Variants in EPN2 observed in about 807,000 individuals in gnomAD.
EPN2 encodes the protein epsin 2, also known as epsin-2.
In EPN2, 34 loss-of-function variants were observed where a neutral mutation model predicts 61.7. The ratio of observed to expected loss-of-function variants is 0.55; its 90% confidence interval spans 0.42 to 0.73. The LOEUF (loss-of-function observed/expected upper bound fraction) is 0.73. Among genes scored for constraint, EPN2 ranks in the 30% least tolerant of loss-of-function variants. The pLI, the probability that EPN2 is intolerant of heterozygous loss-of-function variation, is 0.00. For synonymous variants in EPN2, 349 were observed against 353.6 expected, an observed-to-expected ratio of 0.99 and a Z score of 0.15; for missense variants, 714 against 839.2, an observed-to-expected ratio of 0.85 and a Z score of 1.84.
intron 1 of EPN2, among the ~76,000 whole-genome samples, chr17:19,237,858 A>G (rs1377205716): frequency 6.6e-6 from 1 of 151,154 alleles, no homozygotes; most frequent in Non-Finnish European, 1.5e-5. Flanking sequence ...CCTTACTCCT[A>G]CCTCGGATCC....
At chr17:19,326,686 CAA>C (rs36161060) in intron 7 of EPN2, among the ~76,000 whole-genome samples, 14 of 76,848 alleles carry the variant, frequency 1.8e-4, no homozygotes, top group Admixed American at 5.3e-4. Flanking sequence ...GACTCCGTCT[CAA>C]AAAAAAAAAA....
intron 7 of EPN2, among the ~76,000 whole-genome samples, chr17:19,320,396 G>A (rs957447901): frequency 3.3e-5 from 5 of 152,178 alleles, no homozygotes; most frequent in Admixed American, 6.5e-5. Flanking sequence ...TCTCCACCAC[G>A]CATCTGCCCA....
intron 1 of EPN2, among the ~76,000 whole-genome samples, chr17:19,251,863 T>C (rs1420188695): frequency 6.6e-6 from 1 of 152,164 alleles, no homozygotes; most frequent in African/African-American, 2.4e-5. Context: ...AGTGTTTGCA[T>C]ATGCATAATG....
chr17:19,329,783 T>C (rs2296979), intron 9 of EPN2, 136 bp downstream of exon 9: 585,710 of 611,194 alleles, frequency 0.96, 281,979 homozygotes, highest in African/African-American at 0.99. Flanking sequence ...GAGCCTGAAG[T>C]TTCTAATTCT....
chr17:19,320,941 C>T (rs971535954), intron 7 of EPN2, among the ~76,000 whole-genome samples: 1 of 152,166 alleles, frequency 6.6e-6, no homozygotes. Context: ...ATGGAGCACA[C>T]CCTCTGTGTG....
At chr17:19,333,050 A>G (rs912954353) in intron 10 of EPN2, among the ~76,000 whole-genome samples, 3 of 152,196 alleles carry the variant, frequency 2.0e-5, no homozygotes, top group African/African-American at 7.2e-5. Context: ...GCCAACCCTG[A>G]GGTCCTGAGA....
At chr17:19,240,704 T>A (rs2044875024) in intron 1 of EPN2, among the ~76,000 whole-genome samples, 1 of 152,216 alleles carries the variant, frequency 6.6e-6, no homozygotes, top group Admixed American at 6.5e-5. Flanking sequence ...CCCCTTTTTC[T>A]CTGCTATCCT....
intron 4 of EPN2, among the ~76,000 whole-genome samples, chr17:19,294,530 A>T (rs2045496277): frequency 6.6e-6 from 1 of 152,264 alleles, no homozygotes; most frequent in East Asian, 1.9e-4. Context: ...GATCCTTTGT[A>T]GTATAGGTAA....
chr17:19,313,084 C>A (rs1224871780), intron 6 of EPN2, 21 bp from the exon 7 acceptor site: 13 of 1,609,904 alleles, frequency 8.1e-6, no homozygotes, highest in Non-Finnish European at 1.1e-5. Flanking sequence ...AAAACCTGTC[C>A]CCTTCTCTTT....
At chr17:19,295,762 A>G (rs2045513692) in intron 4 of EPN2, among the ~76,000 whole-genome samples, 1 of 152,080 alleles carries the variant, frequency 6.6e-6, no homozygotes, top group African/African-American at 2.4e-5. Context: ...AAATGTCCCA[A>G]ATCCTGGGCC....
chr17:19,264,568 A>G (rs145928212), intron 1 of EPN2, among the ~76,000 whole-genome samples: 5 of 152,330 alleles, frequency 3.3e-5, no homozygotes, highest in East Asian at 1.9e-4. Flanking sequence ...TGAGGTGACT[A>G]AAAGGTGCTG....
intron 7 of EPN2, among the ~76,000 whole-genome samples, chr17:19,327,691 C>T (rs1363025183): frequency 6.6e-6 from 1 of 152,028 alleles, no homozygotes; most frequent in Non-Finnish European, 1.5e-5. Flanking sequence ...TGAATACACA[C>T]ACATATTTAG....
At chr17:19,259,713 G>T (rs957928603) in intron 1 of EPN2, among the ~76,000 whole-genome samples, 3 of 152,146 alleles carry the variant, frequency 2.0e-5, no homozygotes, top group Non-Finnish European at 4.4e-5. Context: ...TGAAGGCCAG[G>T]CTTGCCTAGT....
intron 1 of EPN2, among the ~76,000 whole-genome samples, chr17:19,278,689 C>G (rs1192502043): frequency 6.6e-6 from 1 of 152,214 alleles, no homozygotes. Context: ...TGCTCTGTCA[C>G]CCAGGCTGGA....
rs367626508 is a variant in EPN2, at chr17:19,312,067, C to T, written c.895C>T (p.Arg299Trp). The T allele has an allele frequency of 1.4e-5, 23 of 1,613,364 alleles. No individual in the cohort carries two copies. The highest frequency in any genetic ancestry group is 2.7e-5 in the African/African-American group (2 of 74,918). ...EVAEQEERLR[R>W]GDDLRLQMAL... Reference sequence around the variant, plus strand: ...CCCTCTACAGGAAGAACGCCTCAGGCGGGGTGATGACCTCAGATTACAGAT... The same window carrying T: ...CCCTCTACAGGAAGAACGCCTCAGGTGGGGTGATGACCTCAGATTACAGAT... The change falls in exon 6 of 11, where the codon CGG becomes TGG. Residue 299 changes from arginine (R) to tryptophan (W), a missense_variant. Arg to Trp is a moderately radical substitution (Grantham distance 101). Coordinates refer to ENST00000314728, the MANE Select transcript of EPN2 (RefSeq NM_014964.5).
intron 4 of EPN2, among the ~76,000 whole-genome samples, chr17:19,286,212 G>A (rs975058737): frequency 1.3e-5 from 2 of 152,198 alleles, no homozygotes; most frequent in Non-Finnish European, 2.9e-5. Context: ...AAGATCCTCA[G>A]TGATGGTCAT....
At chr17:19,313,320 A>T in intron 7 of EPN2, 41 bp downstream of exon 7, 4 of 1,489,980 alleles carry the variant, frequency 2.7e-6, no homozygotes, top group Non-Finnish European at 3.6e-6. Context: ...TGCCTGCTGG[A>T]TGGGTGAGGG....
chr17:19,329,409 G>A, intron 8 of EPN2, 152 bp from the exon 9 acceptor site: 1 of 607,516 alleles, frequency 1.6e-6, no homozygotes, highest in Non-Finnish European at 2.9e-6. Context: ...AGGCTGTCTT[G>A]CCTCTTTGGC....
Position 19,329,654 on chromosome 17 carries a change from A to G in EPN2, c.1411+7A>G, listed in dbSNP as rs781461296. 2.6e-6 allele frequency: 4 copies of G among 1,549,858 alleles called. No individual in the cohort carries two copies. The East Asian group carries it at 6.7e-5, about 26-fold the overall frequency. On this transcript the variant is annotated splice_region_variant and intron_variant, in intron 9 of 10. Transcript: ENST00000314728. ...CGGACTTCAAAAAAAACAGGTATGT[A>G]CAGGTGATGATGGTTTCCATAATCC... is the stretch of plus-strand genomic sequence containing the variant.
Sources: allele counts gnomAD v4.1 joint callset (sites outside exome capture counted in the v4.1 genomes callset), GRCh38; gene constraint gnomAD v4.1.1; transcripts MANE v1.5; gene names NCBI Gene and HGNC (gene_info 2026-07-23, HGNC 2026-07-21).